The following UGDH variants were observed in gnomAD, a reference collection of about 807,000 sequenced individuals.
UGDH encodes the protein UDP-glucose 6-dehydrogenase.
A neutral mutation model predicts 50.6 loss-of-function variants in UGDH; 38 were observed. The observed-to-expected ratio is 0.75, with a 90% CI of 0.58 to 0.98. UGDH has a LOEUF of 0.98. Ranked by LOEUF, UGDH falls within the 50% of genes least tolerant of loss-of-function variation. The pLI is 0.00. For synonymous variants in UGDH, 168 were observed against 199.9 expected (o/e 0.84, Z 1.35); for missense variants, 465 against 606.2 (o/e 0.77, Z 2.45).
chr4:39,519,818 G>A (rs2109943311), intron 2 of UGDH, among the ~76,000 whole-genome samples: 1 of 152,278 alleles, frequency 6.6e-6, no homozygotes, highest in African/African-American at 2.4e-5. Context: ...AGGATTACAG[G>A]TGTGAGCCAC....
At chr4:39,525,350 C>T (rs1488105347) in intron 1 of UGDH, among the ~76,000 whole-genome samples, 2 of 152,090 alleles carry the variant, frequency 1.3e-5, no homozygotes, top group Admixed American at 6.6e-5. Flanking sequence ...CCCACCACCA[C>T]GCCCAGCTAG....
intron 7 of UGDH, 136 bp from the exon 8 acceptor site, chr4:39,505,884 A>G (rs1310015237): frequency 2.4e-6 from 2 of 840,938 alleles, no homozygotes; most frequent in Non-Finnish European, 1.6e-6. Context: ...AAAATTAACC[A>G]AACTCTAGTG....
At chr4:39,505,409 T>C (rs773557794) in intron 8 of UGDH, 39 bp from the exon 9 acceptor site, 24 of 1,449,522 alleles carry the variant, frequency 1.7e-5, no homozygotes, top group South Asian at 9.2e-5. Flanking sequence ...AAGCTTTATG[T>C]GGCATTATAT....
In UGDH at chr4:39,527,299, A is replaced by G. The variant is rs772158273; in HGVS notation, c.-24T>C. 5 of 373,734 alleles carry G rather than the reference A, an allele frequency of 1.3e-5. No individual in the cohort carries two copies. Among genetic ancestry groups the G allele is most frequent in the Non-Finnish European group, 2.5e-5 (5 of 196,704 alleles). The allele number at this position is 373,734 out of a possible 1,614,324, so 23.2% of individuals were successfully genotyped here. ...GGCGCTTACCCACTTCCCAGCAGCA[A>G]GCGCAGGGACCGCTCCTATCCCGAT... is the stretch of plus-strand genomic sequence containing the variant. On this transcript the variant is annotated 5_prime_UTR_variant, in exon 1 of 12. Coordinates refer to ENST00000316423, the MANE Select transcript of UGDH (RefSeq NM_003359.4).
At chr4:39,506,350 G>T (rs577303004) in intron 7 of UGDH, among the ~76,000 whole-genome samples, 1 of 151,954 alleles carries the variant, frequency 6.6e-6, no homozygotes, top group Non-Finnish European at 1.5e-5. Context: ...AATTCTAAGC[G>T]CATTTGAGGT....
rs917325637 is a variant in UGDH at position 39,505,336 on chromosome 4, T to A, written c.1072A>T (p.Met358Leu). Residue 358 changes from methionine to leucine, a missense_variant, in exon 9 of 12, where the codon ATG (methionine) becomes TTG (leucine). Met to Leu is a conservative substitution (Grantham distance 15, BLOSUM62 2). Transcript: ENST00000316423. Reference protein sequence around the residue: ...SSSIYISKYLMDEGAHLHIYD... With the variant: ...SSSIYISKYLLDEGAHLHIYD... The stretch of plus-strand genomic sequence containing the variant: ...ATATGTAGATGTGCACCTTCATCCA[T>A]CAAATATTTGCTAATATATATACTA... 2 of 1,584,418 alleles carry A rather than the reference T, an allele frequency of 1.3e-6. No individual in the cohort carries two copies. Among genetic ancestry groups the A allele is most frequent in the Non-Finnish European group, 1.7e-6 (2 of 1,165,554 alleles).
Position 39,499,132 on chromosome 4 carries a change from T to C in UGDH, c.*1011A>G, listed in dbSNP as rs1745694467. ...CCTTATTTAAAGAAAAAAATTACAA[T>C]TAAGAATGGAAATTAAAATGTAAAA... On this transcript the variant is annotated 3_prime_UTR_variant, in exon 12 of 12. Coordinates refer to ENST00000316423, the MANE Select transcript of UGDH (RefSeq NM_003359.4). 2.0e-5 allele frequency: 3 copies of C among 151,704 alleles called. No homozygotes were observed. The highest frequency in any genetic ancestry group is 7.3e-5 in the African/African-American group (3 of 41,318). The allele number at this position is 151,704 out of a possible 1,614,324, so 9.4% of individuals were successfully genotyped here. A position where few individuals can be genotyped will look rare whatever the true frequency, so the allele number is the denominator to read the frequency against.
intron 7 of UGDH, 109 bp downstream of exon 7, chr4:39,508,457 T>C (rs1486278368): frequency 9.2e-7 from 1 of 1,086,440 alleles, no homozygotes; most frequent in Non-Finnish European, 1.3e-6. Context: ...CAGTCCCAAA[T>C]TCCTGGCCTC....
chr4:39,525,298 A>G (rs537929301), intron 1 of UGDH, among the ~76,000 whole-genome samples: 1 of 152,214 alleles, frequency 6.6e-6, no homozygotes, highest in South Asian at 2.1e-4. Flanking sequence ...GGTTCAAGCA[A>G]TTCTCCTGCC....
intron 2 of UGDH, 112 bp from the exon 3 acceptor site, chr4:39,514,296 G>T: frequency 1.1e-6 from 1 of 875,168 alleles, no homozygotes; most frequent in African/African-American, 1.7e-5. Context: ...TAATTTAAAG[G>T]TCTAGGTTGT....
At chr4:39,513,917 C>T (rs10007732) in intron 3 of UGDH, among the ~76,000 whole-genome samples, 166 bp downstream of exon 3, 1,972 of 152,206 alleles carry the variant, frequency 0.013, 30 homozygotes, top group African/African-American at 0.045. Context: ...TAGATGATTA[C>T]GGGGTTTTGT....
intron 3 of UGDH, among the ~76,000 whole-genome samples, chr4:39,512,853 CCTT>C (rs1746295199): frequency 1.4e-5 from 2 of 145,870 alleles, no homozygotes; most frequent in African/African-American, 5.1e-5. Flanking sequence ...GACAGGGTCT[CCTT>C]CTGTCACCTA....
chr4:39,500,653 C>CTT lies in UGDH; in HGVS notation c.1375-402_1375-401dup, dbSNP rs11284301. Among the ~76,000 whole-genome samples the CTT allele has an allele frequency of 9.9e-3, 1,337 of 135,198 alleles. 22 individuals are homozygous for CTT. The highest frequency in any genetic ancestry group is 0.031 in the African/African-American group (1,162 of 37,180). The allele number at this position is 135,198 out of a possible 152,430, so 88.7% of individuals were successfully genotyped here. ...CTGCAAAAGCTAACAGCATAATTCT[C>CTT]TTTTTTTTTTTTTTTTTTCTTGAGA... On this transcript the variant is annotated intron_variant, in intron 11 of 11. Transcript: ENST00000316423.
chr4:39,512,537 T>C (rs987095223), intron 3 of UGDH, among the ~76,000 whole-genome samples: 1 of 152,200 alleles, frequency 6.6e-6, no homozygotes, highest in African/African-American at 2.4e-5. Flanking sequence ...GAAAACTGAT[T>C]GCTACAAAAT....
At chr4:39,516,427 A>C (rs1372288073) in intron 2 of UGDH, among the ~76,000 whole-genome samples, 3 of 152,230 alleles carry the variant, frequency 2.0e-5, no homozygotes. Flanking sequence ...ACGGAGATTC[A>C]TTGTACTGTT....
rs544590791 is a variant in UGDH, at chr4:39,516,239, G to A, written c.163-2055C>T. Among the ~76,000 whole-genome samples, 6 of 152,188 alleles carry A rather than the reference G, an allele frequency of 3.9e-5. No homozygotes were observed. The South Asian group carries it at 6.2e-4, about 16-fold the overall frequency. On this transcript the variant is annotated intron_variant, in intron 2 of 11. Coordinates refer to ENST00000316423, the MANE Select transcript of UGDH (RefSeq NM_003359.4). ...GCGGAGGTTGCAGTGAGCCAAGATC[G>A]GGCCACTGCACTCCAGCCTGGGCCA...
At chr4:39,504,598 C>A in intron 9 of UGDH, 90 bp from the exon 10 acceptor site, 1 of 1,088,166 alleles carries the variant, frequency 9.2e-7, no homozygotes, top group South Asian at 1.3e-5. Flanking sequence ...GGGATACATT[C>A]CAAGACCCCC....
intron 2 of UGDH, among the ~76,000 whole-genome samples, chr4:39,518,683 C>T (rs962984703): frequency 1.3e-5 from 2 of 150,800 alleles, no homozygotes; most frequent in African/African-American, 4.9e-5. Context: ...TGGGCTTGAA[C>T]TCCTGGGCTC....
chr4:39,505,571 A>G lies in UGDH; in HGVS notation c.1037+47T>C, dbSNP rs755187810. The G allele has an allele frequency of 2.1e-5, 32 of 1,519,276 alleles. No individual in the cohort carries two copies. The African/African-American group carries it at 4.0e-4, about 19-fold the overall frequency. 94.1% of individuals were successfully genotyped at this position (1,519,276 alleles called of 1,614,324 possible). On this transcript the variant is annotated intron_variant, in intron 8 of 11. Coordinates refer to ENST00000316423, the MANE Select transcript of UGDH (RefSeq NM_003359.4). ...CCCCAATCAAAAAATTAAGATGAGGAGTTAACACAATCTCAAAAGGGTTGA... is the reference window on the plus strand; with the variant it reads ...CCCCAATCAAAAAATTAAGATGAGGGGTTAACACAATCTCAAAAGGGTTGA...
Sources: allele counts gnomAD v4.1 joint callset (sites outside exome capture counted in the v4.1 genomes callset), GRCh38; gene constraint gnomAD v4.1.1; transcripts MANE v1.5; gene names NCBI Gene and HGNC (gene_info 2026-07-23, HGNC 2026-07-21).